CD53: variants seen among roughly 807,000 people sequenced by gnomAD.
CD53 encodes leukocyte surface antigen CD53.
In CD53, 20 loss-of-function variants were observed where a neutral mutation model predicts 27.3. That is an observed-to-expected ratio of 0.73 (90% CI 0.52 to 1.07). The LOEUF (loss-of-function observed/expected upper bound fraction) is 1.07, where lower values mean the gene tolerates loss of function less well. CD53 is among the 50% of genes least tolerant of loss of function. The probability of loss-of-function intolerance (pLI) is 0.00; values close to 1 mark genes in which losing one functional copy is unlikely to be tolerated. For synonymous variants in CD53, 106 were observed against 105.3 expected, an observed-to-expected ratio of 1.01 and a Z score of -0.04; for missense variants, 216 against 264.0, an observed-to-expected ratio of 0.82 and a Z score of 1.26.
chr1:110,896,389 T>C (rs1053276686), intron 5 of CD53, among the ~76,000 whole-genome samples: 1 of 152,226 alleles, frequency 6.6e-6, no homozygotes, highest in African/African-American at 2.4e-5. Context: ...CCCTCCATTA[T>C]GCAGTCCCTG....
chr1:110,874,227 C>T (rs920978000), intron 1 of CD53, among the ~76,000 whole-genome samples: 2 of 152,176 alleles, frequency 1.3e-5, no homozygotes, highest in African/African-American at 4.8e-5. Flanking sequence ...CTCTAGATTT[C>T]CAAGAGGGGT....
intron 1 of CD53, among the ~76,000 whole-genome samples, chr1:110,877,872 G>A (rs990452833): frequency 6.6e-6 from 1 of 152,248 alleles, no homozygotes; most frequent in East Asian, 1.9e-4. Context: ...GACGTACAGC[G>A]ATAACTTTGA....
chr1:110,882,261 A>G (rs1034859114), intron 1 of CD53, among the ~76,000 whole-genome samples: 9 of 152,098 alleles, frequency 5.9e-5, no homozygotes, highest in Non-Finnish European at 1.3e-4. Context: ...ACTAGTTACG[A>G]TTTCGTATGG....
chr1:110,872,250 T>C (rs1655989429), upstream of CD53, among the ~76,000 whole-genome samples: 1 of 152,218 alleles, frequency 6.6e-6, no homozygotes, highest in Non-Finnish European at 1.5e-5. Context: ...TTTTTCAAAA[T>C]ATATTGATCA....
chr1:110,899,047 C>T, intron 7 of CD53, 77 bp from the exon 8 acceptor site: 2 of 1,094,526 alleles, frequency 1.8e-6, no homozygotes, highest in Non-Finnish European at 2.8e-6. Flanking sequence ...TTCTTTTTCT[C>T]AGAGGCCAAT....
intron 1 of CD53, among the ~76,000 whole-genome samples, chr1:110,888,605 C>A (rs888281740): frequency 2.0e-5 from 3 of 151,834 alleles, no homozygotes; most frequent in South Asian, 4.2e-4. Flanking sequence ...GGCACATTTC[C>A]CAAATATATG....
chr1:110,877,494 C>A lies in CD53; in HGVS notation c.-18+4246C>A, dbSNP rs550850517. ...GTTTTAGGTAACTGTTCCTGATTTA[C>A]GAAGTAAGCTTATTAGAAGAGTCCC... On this transcript the variant is annotated intron_variant, in intron 1 of 7. Coordinates refer to ENST00000271324, the MANE Select transcript of CD53 (RefSeq NM_000560.4). Among the ~76,000 whole-genome samples the A allele has an allele frequency of 7.9e-5, 12 of 152,150 alleles. 1 individual carries two copies. Among genetic ancestry groups the A allele is most frequent in the Non-Finnish European group, 4.4e-5 (3 of 68,028 alleles).
chr1:110,896,849 T>C, intron 6 of CD53, 116 bp downstream of exon 6: 1 of 856,182 alleles, frequency 1.2e-6, no homozygotes, highest in East Asian at 2.5e-5. Flanking sequence ...GGACCTTGAA[T>C]AAAAGAGAGG....
At chr1:110,875,327 G>A (rs1656080478) in intron 1 of CD53, among the ~76,000 whole-genome samples, 1 of 152,160 alleles carries the variant, frequency 6.6e-6, no homozygotes, top group Non-Finnish European at 1.5e-5. Context: ...CACCAGGCAG[G>A]TCCTAGGTCC....
intron 1 of CD53, among the ~76,000 whole-genome samples, chr1:110,882,090 T>C (rs1247638855): frequency 6.6e-6 from 1 of 152,206 alleles, no homozygotes; most frequent in Non-Finnish European, 1.5e-5. Context: ...CTTAACAGTG[T>C]CTTTTGAAGA....
intron 5 of CD53, 59 bp downstream of exon 5, chr1:110,895,114 C>T: frequency 8.0e-7 from 1 of 1,246,452 alleles, no homozygotes; most frequent in South Asian, 1.2e-5. Context: ...AGCCTAAATC[C>T]TTGGGGGCTA....
chr1:110,886,447 AT>A (rs576365277), intron 1 of CD53, among the ~76,000 whole-genome samples: 30 of 152,146 alleles, frequency 2.0e-4, no homozygotes, highest in African/African-American at 5.5e-4. Context: ...ATTTCTTCAA[AT>A]TATTTTTCTA....
At chr1:110,898,763 AT>A (rs1657177349) in intron 7 of CD53, among the ~76,000 whole-genome samples, 2 of 152,146 alleles carry the variant, frequency 1.3e-5, no homozygotes, top group Non-Finnish European at 2.9e-5. Flanking sequence ...CTCAGAGAAA[AT>A]GATTTTTCTC....
chr1:110,899,101 A>G (rs370314428), intron 7 of CD53, 23 bp from the exon 8 acceptor site: 10 of 1,607,288 alleles, frequency 6.2e-6, no homozygotes, highest in South Asian at 1.1e-5. Flanking sequence ...GAAGACTTCA[A>G]ATTTTCCCAA....
intron 1 of CD53, among the ~76,000 whole-genome samples, chr1:110,877,629 T>C (rs1656177188): frequency 1.3e-5 from 2 of 152,238 alleles, no homozygotes; most frequent in South Asian, 4.1e-4. Context: ...CCTCTTTTCT[T>C]CTTCCTTATT....
chr1:110,886,353 G>A (rs1656602563), intron 1 of CD53, among the ~76,000 whole-genome samples: 1 of 151,858 alleles, frequency 6.6e-6, no homozygotes, highest in Non-Finnish European at 1.5e-5. Context: ...CATGTTTCTT[G>A]TGCTTGGAGT....
Position 110,883,882 on chromosome 1 carries a change from C to G in CD53, c.-17-7510C>G, listed in dbSNP as rs78986606. 3.1e-3 allele frequency among the ~76,000 whole-genome samples: 466 copies of G among 152,006 alleles called. 1 individual carries two copies. The highest frequency in any genetic ancestry group is 5.5e-3 in the Non-Finnish European group (370 of 67,834). On this transcript the variant is annotated intron_variant, in intron 1 of 7. Transcript: ENST00000271324. ...TCTATAGAATTTGTAGTGTTGTTCT[C>G]TCAATCCTAATATTGATAATCTTTG... is the stretch of plus-strand genomic sequence containing the variant.
At chr1:110,890,529 T>G (rs1451139543) in intron 1 of CD53, among the ~76,000 whole-genome samples, 1 of 151,660 alleles carries the variant, frequency 6.6e-6, no homozygotes, top group Admixed American at 6.6e-5. Flanking sequence ...ATTGTGCCAC[T>G]GCACTCCAGC....
intron 1 of CD53, among the ~76,000 whole-genome samples, chr1:110,886,869 A>ATATATATATATATATATATATTTTTT (rs1298376721): frequency 3.6e-5 from 3 of 82,798 alleles, no homozygotes; most frequent in African/African-American, 1.6e-4. Flanking sequence ...ATATATATAT[A>ATATATATATATATATATATATTTTTT]TTTTTTTTTT....
Sources: allele counts gnomAD v4.1 joint callset (sites outside exome capture counted in the v4.1 genomes callset), GRCh38; gene constraint gnomAD v4.1.1; transcripts MANE v1.5; gene names NCBI Gene and HGNC (gene_info 2026-07-23, HGNC 2026-07-21).